Variants in NAV1 observed in about 807,000 individuals in gnomAD.
NAV1 encodes the protein neuron navigator 1.
Under a neutral mutation model 175.2 loss-of-function variants are expected in NAV1, and 18 were observed. That is an observed-to-expected ratio of 0.10 (90% CI 0.07 to 0.15). NAV1 has a LOEUF of 0.15. Among genes scored for constraint, NAV1 ranks in the 10% least tolerant of loss-of-function variants. The pLI, the probability that NAV1 is intolerant of heterozygous loss-of-function variation, is 1.00. For missense variants in NAV1, 1,731 were observed against 2,436.6 expected, an observed-to-expected ratio of 0.71 and a Z score of 6.10; for synonymous variants, 897 against 978.7, an observed-to-expected ratio of 0.92 and a Z score of 1.56.
At chr1:201,590,325 C>T (rs1272137421) in intron 2 of NAV1, among the ~76,000 whole-genome samples, 1 of 152,222 alleles carries the variant, frequency 6.6e-6, no homozygotes, top group African/African-American at 2.4e-5. Context: ...TCAGCCTATC[C>T]CCTTCCAGGG....
chr1:201,570,227 G>A (rs1666492461), intron 1 of NAV1, among the ~76,000 whole-genome samples: 1 of 152,164 alleles, frequency 6.6e-6, no homozygotes, highest in Admixed American at 6.5e-5. Flanking sequence ...TGTGCCCAGG[G>A]CTGCTCTTCC....
chr1:201,804,646 TC>T, intron 17 of NAV1, 149 bp downstream of exon 21: 1 of 768,010 alleles, frequency 1.3e-6, no homozygotes, highest in Non-Finnish European at 2.1e-6. Context: ...CACCCAGAGT[TC>T]CTAACTCACT....
At chr1:201,719,612 G>T (rs1672286158) in intron 3 of NAV1, 2 of 153,872 alleles carry the variant, frequency 1.3e-5, no homozygotes, top group African/African-American at 4.8e-5. Context: ...GGCGCTTAGG[G>T]GGATCCTGGC....
chr1:201,648,295 A>G, exon 1 of NAV1: 3 of 1,106,906 alleles, frequency 2.7e-6, no homozygotes, highest in Non-Finnish European at 2.2e-6. Flanking sequence ...TCCGGACACC[A>G]AAGCAAAAGC....
At position 201,793,780 on chromosome 1, in the gene NAV1, T is replaced by A; in HGVS notation, c.3322-12T>A. On this transcript the variant is annotated splice_polypyrimidine_tract_variant and intron_variant, in intron 13 of 29. Transcript: ENST00000367296. ...TATGCAACTTAGCAATCTCTTTCTG[T>A]GTTTGTTTCAGGCTAATCTGGTGGC... 1 of 1,612,558 alleles carries A rather than the reference T, an allele frequency of 6.2e-7. No individual in the cohort carries two copies. Among genetic ancestry groups the A allele is most frequent in the African/African-American group, 1.3e-5 (1 of 74,936 alleles).
At chr1:201,759,675 T>C (rs1168479063) in intron 3 of NAV1, among the ~76,000 whole-genome samples, 1 of 152,234 alleles carries the variant, frequency 6.6e-6, no homozygotes, top group Non-Finnish European at 1.5e-5. Context: ...CCAGCCTGCC[T>C]GATGATTAAG....
At chr1:201,579,318 G>A (rs1403626041) in intron 1 of NAV1, among the ~76,000 whole-genome samples, 2 of 151,996 alleles carry the variant, frequency 1.3e-5, no homozygotes, top group South Asian at 2.1e-4. Context: ...AGACCTCATC[G>A]CCATGTTGTT....
At chr1:201,770,566 G>A (rs1252389357) in intron 3 of NAV1, among the ~76,000 whole-genome samples, 3 of 152,168 alleles carry the variant, frequency 2.0e-5, no homozygotes, top group Non-Finnish European at 4.4e-5. Flanking sequence ...AGGATGCAAA[G>A]TACTCTAATT....
rs201414639 is a variant in NAV1, at chr1:201,774,982, T to C, written c.1227-5439T>C. On this transcript the variant is annotated intron_variant, in intron 3 of 29. Coordinates refer to ENST00000367296, the Ensembl canonical transcript of NAV1. ...GGAGGAAGTGGGGCAGCAACTCAATTTGCACCCCAGAATCCTCAAAAAGCT... is the reference window on the plus strand; with the variant it reads ...GGAGGAAGTGGGGCAGCAACTCAATCTGCACCCCAGAATCCTCAAAAAGCT... Among the ~76,000 whole-genome samples, 38 of 152,162 alleles carry C rather than the reference T, an allele frequency of 2.5e-4. 1 individual carries two copies. The East Asian group carries it at 5.0e-3, about 20-fold the overall frequency.
intron 1 of NAV1, among the ~76,000 whole-genome samples, chr1:201,701,110 C>CA (rs1671405059): frequency 6.7e-6 from 1 of 150,208 alleles, no homozygotes; most frequent in Non-Finnish European, 1.5e-5. Context: ...ATGTCCTTTG[C>CA]AGGGTCATGG....
At chr1:201,646,074 T>A (rs1000697811), upstream of NAV1, among the ~76,000 whole-genome samples, 1 of 152,192 alleles carries the variant, frequency 6.6e-6, no homozygotes, top group Admixed American at 6.5e-5. Flanking sequence ...TGGGACCTCA[T>A]GTTTGGACAT....
Position 201,710,377 on chromosome 1 carries a change from CTT to C in NAV1, c.758-2439_758-2438del, listed in dbSNP as rs150141493. Among the ~76,000 whole-genome samples the C allele has an allele frequency of 4.8e-3, 734 of 151,996 alleles. 7 individuals carry two copies. The highest frequency in any genetic ancestry group is 0.017 in the African/African-American group (714 of 41,416). On this transcript the variant is annotated intron_variant, in intron 1 of 29. Coordinates refer to ENST00000367296, the Ensembl canonical transcript of NAV1. ...TCATAGTTCATTACAGCATTGAACT[CTT>C]GGGCTCAAGTGATCTTCCTGCCTCA...
At chr1:201,682,115 CAAAAA>C (rs34550001) in intron 1 of NAV1, among the ~76,000 whole-genome samples, 2 of 83,512 alleles carry the variant, frequency 2.4e-5, no homozygotes, top group Admixed American at 1.4e-4. Context: ...GACTCCATCT[CAAAAA>C]AAAAAAAAAA....
chr1:201,736,564 G>A (rs1191301031), intron 3 of NAV1, among the ~76,000 whole-genome samples: 2 of 152,136 alleles, frequency 1.3e-5, no homozygotes, highest in African/African-American at 4.8e-5. Flanking sequence ...TTTGAGGTGG[G>A]GAAGGTGTGG....
At chr1:201,645,833 G>A (rs1668960657), upstream of NAV1, among the ~76,000 whole-genome samples, 1 of 152,210 alleles carries the variant, frequency 6.6e-6, no homozygotes, top group South Asian at 2.1e-4. Flanking sequence ...TCAGAGAATA[G>A]GTGTTGTCGG....
At chr1:201,809,805 A>T (rs1039135882) in intron 22 of NAV1, 141 bp from the exon 27 acceptor site, 15 of 887,124 alleles carry the variant, frequency 1.7e-5, no homozygotes, top group Admixed American at 2.8e-5. Context: ...TTGAGGCTTT[A>T]TGGAGAAATG....
At chr1:201,610,638 A>G (rs1171139226) in intron 2 of NAV1, among the ~76,000 whole-genome samples, 1 of 152,182 alleles carries the variant, frequency 6.6e-6, no homozygotes, top group Non-Finnish European at 1.5e-5. Context: ...GGGGAAGAGC[A>G]TTTGTCCTTC....
At chr1:201,717,861 A>G (rs977636246) in intron 2 of NAV1, among the ~76,000 whole-genome samples, 2 of 152,222 alleles carry the variant, frequency 1.3e-5, no homozygotes, top group African/African-American at 4.8e-5. Flanking sequence ...TTACTAGAAG[A>G]GAGGTGATGG....
At chr1:201,684,328 G>A (rs149332699) in intron 1 of NAV1, among the ~76,000 whole-genome samples, 1 of 152,166 alleles carries the variant, frequency 6.6e-6, no homozygotes, top group African/African-American at 2.4e-5. Context: ...ATTAACCCAT[G>A]TATGTAAACA....
Sources: allele counts gnomAD v4.1 joint callset (sites outside exome capture counted in the v4.1 genomes callset), GRCh38; gene constraint gnomAD v4.1.1; transcripts MANE v1.5; gene names NCBI Gene and HGNC (gene_info 2026-07-23, HGNC 2026-07-21).